The following PREX2 variants were observed in gnomAD, a reference collection of about 807,000 sequenced individuals.
PREX2 encodes phosphatidylinositol-3,4,5-trisphosphate dependent Rac exchange factor 2, also known as phosphatidylinositol 3,4,5-trisphosphate-dependent Rac exchanger 2 protein.
Under a neutral mutation model 203.2 loss-of-function variants are expected in PREX2, and 107 were observed. The observed-to-expected ratio is 0.53, with a 90% confidence interval of 0.45 to 0.62. The LOEUF is 0.62. PREX2 is among the 20% of genes least tolerant of loss of function. PREX2 has a pLI of 0.00. For missense variants in PREX2, 1,777 were observed against 1,955.9 expected (o/e 0.91, Z 1.72); for synonymous variants, 672 against 663.6 (o/e 1.01, Z -0.19).
intron 35 of PREX2, among the ~76,000 whole-genome samples, chr8:68,191,478 G>A (rs951817931): frequency 6.6e-6 from 1 of 152,076 alleles, no homozygotes; most frequent in African/African-American, 2.4e-5. Flanking sequence ...TTATAAATGA[G>A]AAAACTAAGC....
intron 39 of PREX2, among the ~76,000 whole-genome samples, chr8:68,225,384 T>A (rs1813038923): frequency 6.6e-6 from 1 of 152,210 alleles, no homozygotes; most frequent in Non-Finnish European, 1.5e-5. Context: ...AGAAATGCTC[T>A]GGTTTTGATT....
At chr8:68,057,669 C>T (rs1808720242) in intron 10 of PREX2, among the ~76,000 whole-genome samples, 1 of 152,178 alleles carries the variant, frequency 6.6e-6, no homozygotes, top group African/African-American at 2.4e-5. Context: ...GTACCCACCC[C>T]ATGGGCATAA....
chr8:68,072,640 A>T (rs1809232092), intron 14 of PREX2, 70 bp downstream of exon 14: 1 of 837,444 alleles, frequency 1.2e-6, no homozygotes, highest in Non-Finnish European at 2.0e-6. Context: ...GTGAATTAGG[A>T]CCTTTATTCT....
chr8:68,148,575 T>G lies in PREX2; in HGVS notation c.4231+2223T>G, dbSNP rs955538638. ...AATTATTTTGCAAGCAACCTCTATT[T>G]TATAACTTTGGCAAAAGCCAATTTA... On this transcript the variant is annotated intron_variant, in intron 34 of 39. Coordinates refer to ENST00000288368, the MANE Select transcript of PREX2 (RefSeq NM_024870.4). 2.0e-5 allele frequency among the ~76,000 whole-genome samples: 3 copies of G among 152,260 alleles called. No homozygotes were observed. The South Asian group carries it at 6.2e-4, about 31-fold the overall frequency.
At chr8:68,228,900 C>G (rs1813107841) in intron 39 of PREX2, among the ~76,000 whole-genome samples, 1 of 144,006 alleles carries the variant, frequency 6.9e-6, no homozygotes, top group Non-Finnish European at 1.5e-5. Flanking sequence ...TATGGTTGTA[C>G]CACTGCACTC....
intron 23 of PREX2, among the ~76,000 whole-genome samples, chr8:68,107,083 A>G (rs1810431788): frequency 6.6e-6 from 1 of 152,136 alleles, no homozygotes; most frequent in Non-Finnish European, 1.5e-5. Flanking sequence ...TAAGACAATT[A>G]TTTATACCTA....
intron 37 of PREX2, among the ~76,000 whole-genome samples, chr8:68,207,092 A>G (rs1056930022): frequency 6.6e-6 from 1 of 152,188 alleles, no homozygotes; most frequent in Admixed American, 6.5e-5. Flanking sequence ...TTTTGATGAT[A>G]TAACAATTAA....
In PREX2 at chr8:68,047,740, A is replaced by G. The variant is rs573713173; in HGVS notation, c.943+3150A>G. Among the ~76,000 whole-genome samples, 5 of 151,412 alleles carry G rather than the reference A, an allele frequency of 3.3e-5. No homozygotes were observed. The East Asian group carries it at 7.8e-4, about 24-fold the overall frequency. On this transcript the variant is annotated intron_variant, in intron 8 of 39. Coordinates refer to ENST00000288368, the MANE Select transcript of PREX2 (RefSeq NM_024870.4). ...GAAAAGTTTTTCTTCCATTTGAATT[A>G]TGCAAATCCTGAGTATTTTTCTATA...
intron 30 of PREX2, among the ~76,000 whole-genome samples, chr8:68,127,020 A>C (rs780209518): frequency 2.2e-4 from 33 of 152,072 alleles, no homozygotes; most frequent in Non-Finnish European, 4.3e-4. Flanking sequence ...TGTAGCTTGC[A>C]GAACACCAAG....
In PREX2 at chr8:68,234,210, A is replaced by G. The variant is rs1026101537; in HGVS notation, c.*2832A>G. 1.3e-5 allele frequency: 2 copies of G among 152,168 alleles called. No homozygotes were observed. Among genetic ancestry groups the G allele is most frequent in the African/African-American group, 4.8e-5 (2 of 41,456 alleles). The allele number at this position is 152,168 out of a possible 1,614,324, so 9.4% of individuals were successfully genotyped here. On this transcript the variant is annotated 3_prime_UTR_variant, in exon 40 of 40. Coordinates refer to ENST00000288368, the MANE Select transcript of PREX2 (RefSeq NM_024870.4). ...ATAATGACAATTTTTTCAATGCCAT[A>G]TGTACCTCCATGTGACATTGGGCAT...
intron 38 of PREX2, among the ~76,000 whole-genome samples, chr8:68,219,198 G>A (rs1332381721): frequency 1.3e-5 from 2 of 152,064 alleles, no homozygotes; most frequent in Non-Finnish European, 2.9e-5. Flanking sequence ...CACTAAGGAG[G>A]TAGTTATGAG....
chr8:68,143,266 C>G (rs1243924749), intron 33 of PREX2, among the ~76,000 whole-genome samples: 1 of 148,668 alleles, frequency 6.7e-6, no homozygotes, highest in Non-Finnish European at 1.5e-5. Context: ...TGTGCCTTCC[C>G]CCTGGTACTG....
intron 37 of PREX2, among the ~76,000 whole-genome samples, chr8:68,196,442 A>G (rs1044756199): frequency 2.3e-4 from 34 of 146,992 alleles, no homozygotes; most frequent in Non-Finnish European, 4.9e-4. Context: ...ATATTTTTTT[A>G]TATATTTAAT....
At chr8:68,019,806 A>G (rs1807512859) in intron 3 of PREX2, 135 bp downstream of exon 3, 3 of 774,588 alleles carry the variant, frequency 3.9e-6, no homozygotes, top group Admixed American at 2.7e-5. Context: ...TTTTAAGGCC[A>G]ATGAGATCTT....
chr8:67,958,105 G>A (rs1805537856), intron 1 of PREX2, among the ~76,000 whole-genome samples: 1 of 152,202 alleles, frequency 6.6e-6, no homozygotes, highest in Non-Finnish European at 1.5e-5. Flanking sequence ...AGCTTTCAGA[G>A]TTGTGAGAAA....
chr8:67,987,152 C>CA (rs57315665), intron 1 of PREX2, among the ~76,000 whole-genome samples: 607 of 55,000 alleles, frequency 0.011, 26 homozygotes, highest in African/African-American at 0.013. Context: ...GACTTCATCT[C>CA]AAAAAAAAAA....
chr8:68,012,718 A>G (rs1807301255), intron 1 of PREX2, among the ~76,000 whole-genome samples: 1 of 152,186 alleles, frequency 6.6e-6, no homozygotes, highest in African/African-American at 2.4e-5. Context: ...AAAAACCACG[A>G]TCTATTTCAA....
At chr8:67,975,186 T>G (rs1806038937) in intron 1 of PREX2, among the ~76,000 whole-genome samples, 1 of 151,302 alleles carries the variant, frequency 6.6e-6, no homozygotes, top group African/African-American at 2.4e-5. Flanking sequence ...CAACCAAAGT[T>G]CATGGTCTCC....
chr8:68,111,500 A>T (rs1810533886), intron 25 of PREX2, among the ~76,000 whole-genome samples: 1 of 152,132 alleles, frequency 6.6e-6, no homozygotes, highest in African/African-American at 2.4e-5. Context: ...TTAAGACACT[A>T]GTTTCAGACT....
Sources: allele counts gnomAD v4.1 joint callset (sites outside exome capture counted in the v4.1 genomes callset), GRCh38; gene constraint gnomAD v4.1.1; transcripts MANE v1.5; gene names NCBI Gene and HGNC (gene_info 2026-07-23, HGNC 2026-07-21).